RHOBTB1: variants seen among roughly 807,000 people sequenced by gnomAD.
RHOBTB1 encodes Rho related BTB domain containing 1, also known as rho-related BTB domain-containing protein 1.
RHOBTB1 carries 40 observed loss-of-function variants against 71.6 expected under a neutral mutation model. That is an observed-to-expected ratio of 0.56 (90% CI 0.43 to 0.73). The LOEUF is 0.73. RHOBTB1 is among the 30% of genes least tolerant of loss of function. The probability of loss-of-function intolerance (pLI) is 0.00; values close to 1 mark genes in which losing one functional copy is unlikely to be tolerated. For missense variants in RHOBTB1, 797 were observed against 894.0 expected (o/e 0.89, Z 1.38); for synonymous variants, 319 against 334.9 (o/e 0.95, Z 0.52).
At chr10:60,909,713 T>C (rs1457583066) in intron 4 of RHOBTB1, among the ~76,000 whole-genome samples, 2 of 152,042 alleles carry the variant, frequency 1.3e-5, no homozygotes. Flanking sequence ...TCCAGGAAAT[T>C]CAAGGAAAAG....
At chr10:60,966,146 A>T (rs1010332004) in intron 2 of RHOBTB1, among the ~76,000 whole-genome samples, 1 of 152,128 alleles carries the variant, frequency 6.6e-6, no homozygotes, top group Admixed American at 6.6e-5. Context: ...GAAAAGATTG[A>T]GATGTTTGCA....
At position 60,875,009 on chromosome 10, in the gene RHOBTB1, G is replaced by A. The variant is rs778334665; in HGVS notation, c.1760C>T (p.Ala587Val). The A allele has an allele frequency of 5.0e-6, 8 of 1,614,052 alleles. No homozygotes were observed. The highest frequency in any genetic ancestry group is 8.5e-7 in the Non-Finnish European group (1 of 1,179,998). Residue 587 changes from alanine (A) to valine (V), a missense_variant, in exon 9 of 11, where the codon GCC becomes GTC. Coordinates refer to ENST00000337910, the MANE Select transcript of RHOBTB1 (RefSeq NM_014836.5). ...TCCGTCAATGCCCACGCCACTCGTGGCGGCTTTGGTCAACTCCTGAACGGC... is the reference window on the plus strand; with the variant it reads ...TCCGTCAATGCCCACGCCACTCGTGACGGCTTTGGTCAACTCCTGAACGGC... ...QHAVQELTKA[A>V]TSGVGIDGEV...
chr10:60,918,751 CTT>C (rs113890954), intron 2 of RHOBTB1, among the ~76,000 whole-genome samples: 4 of 144,580 alleles, frequency 2.8e-5, no homozygotes, highest in African/African-American at 2.5e-5. Context: ...TTTTCTTTTT[CTT>C]TTTTTTTTTT....
chr10:60,866,217 A>G (rs2080634967), downstream of RHOBTB1, among the ~76,000 whole-genome samples: 1 of 152,132 alleles, frequency 6.6e-6, no homozygotes, highest in Non-Finnish European at 1.5e-5. Context: ...TAGTGGTTCT[A>G]TCACCGGTGG....
rs1466096403 is a variant in RHOBTB1, at chr10:60,870,578, T to G, written c.*904A>C. On this transcript the variant is annotated 3_prime_UTR_variant, in exon 11 of 11. Coordinates refer to ENST00000337910, the MANE Select transcript of RHOBTB1 (RefSeq NM_014836.5). ...GGACCTTTTCCCTTGCCCATCTCAA[T>G]TCAAGTCAGTGAAGAATCTGCATGC... is the stretch of plus-strand genomic sequence containing the variant. 1.3e-5 allele frequency: 2 copies of G among 152,172 alleles called. No homozygotes were observed. Among genetic ancestry groups the G allele is most frequent in the Non-Finnish European group, 2.9e-5 (2 of 68,028 alleles). 9.4% of individuals were successfully genotyped at this position (152,172 alleles called of 1,614,324 possible). A position where few individuals can be genotyped will look rare whatever the true frequency, so the allele number is the denominator to read the frequency against.
chr10:60,996,109 T>C (rs2087038422), intron 1 of RHOBTB1, among the ~76,000 whole-genome samples: 2 of 152,180 alleles, frequency 1.3e-5, no homozygotes, highest in Non-Finnish European at 2.9e-5. Context: ...AGCTCGTAAA[T>C]GGAGGAGCTC....
At chr10:60,926,934 C>A (rs2083916348) in intron 2 of RHOBTB1, among the ~76,000 whole-genome samples, 1 of 152,102 alleles carries the variant, frequency 6.6e-6, no homozygotes, top group African/African-American at 2.4e-5. Flanking sequence ...TGGAAGAAGT[C>A]AAATTATCCT....
chr10:60,872,319 A>G, intron 9 of RHOBTB1, 29 bp from the exon 10 acceptor site: 2 of 1,535,766 alleles, frequency 1.3e-6, no homozygotes, highest in Non-Finnish European at 1.8e-6. Flanking sequence ...AAGGAGGGTA[A>G]GACTATTTTC....
chr10:60,932,058 TAC>T (rs1040420891), intron 2 of RHOBTB1, among the ~76,000 whole-genome samples: 1 of 152,240 alleles, frequency 6.6e-6, no homozygotes, highest in African/African-American at 2.4e-5. Context: ...AATTCAGTTT[TAC>T]ATTCATTAAG....
intron 1 of RHOBTB1, among the ~76,000 whole-genome samples, chr10:60,998,140 G>A (rs905481886): frequency 5.9e-5 from 9 of 152,086 alleles, no homozygotes; most frequent in South Asian, 2.1e-4. Context: ...GTCTGAGGGC[G>A]GCCCTGTCGT....
chr10:60,966,521 A>G (rs934470154), intron 2 of RHOBTB1, among the ~76,000 whole-genome samples: 1 of 151,596 alleles, frequency 6.6e-6, no homozygotes, highest in African/African-American at 2.4e-5. Context: ...AAAAAAAAAA[A>G]GTTGGAAACT....
intron 4 of RHOBTB1, among the ~76,000 whole-genome samples, chr10:60,893,503 T>C (rs996800554): frequency 2.0e-5 from 3 of 152,230 alleles, no homozygotes; most frequent in African/African-American, 7.2e-5. Flanking sequence ...ATTTCTGCCC[T>C]TCTTCCCACT....
At chr10:60,986,431 A>ATATATTATATATATATATATATATATAT (rs1554860002) in intron 1 of RHOBTB1, among the ~76,000 whole-genome samples, 1 of 134,618 alleles carries the variant, frequency 7.4e-6, no homozygotes, top group Non-Finnish European at 1.6e-5. Context: ...ATATATATAT[A>ATATATTATATATATATATATATATATAT]AAATATATAT....
In RHOBTB1 at chr10:60,889,122, G is replaced by A; in HGVS notation, c.546C>T (p.Gly182=). ...EKGREVAKEL[G]LPYYETSVFD... is the part of the protein sequence containing the mutation. ...ACACGCTTGTTTCATAGTATGGTAA[G>A]CCAAGTTCCTTTGCTACCTCTCGGC... Residue 182 remains glycine, a synonymous_variant, in exon 6 of 11, where the codon GGC becomes GGT. Coordinates refer to ENST00000337910, the MANE Select transcript of RHOBTB1 (RefSeq NM_014836.5). 6.2e-7 allele frequency: 1 copy of A among 1,614,064 alleles called. No homozygotes were observed. Among genetic ancestry groups the A allele is most frequent in the Admixed American group, 1.7e-5 (1 of 60,012 alleles).
intron 2 of RHOBTB1, among the ~76,000 whole-genome samples, chr10:60,966,304 GAA>G (rs143857492): frequency 7.2e-6 from 1 of 137,946 alleles, no homozygotes; most frequent in Non-Finnish European, 1.6e-5. Flanking sequence ...GATTATATTC[GAA>G]AAAAAAAAAA....
chr10:60,993,458 T>G (rs539477378), intron 1 of RHOBTB1, among the ~76,000 whole-genome samples: 1 of 152,226 alleles, frequency 6.6e-6, no homozygotes, highest in Non-Finnish European at 1.5e-5. Flanking sequence ...CATGTGTAAG[T>G]ATATATAAAA....
At chr10:60,863,120 CCT>C in the RHOBTB1 span, among the ~76,000 whole-genome samples, 1 of 152,036 alleles carries the variant, frequency 6.6e-6, no homozygotes, top group Non-Finnish European at 1.5e-5. Flanking sequence ...GCCATCCTGG[CCT>C]TTTTTAGAAA....
chr10:60,975,534 G>A (rs561822555), intron 2 of RHOBTB1, among the ~76,000 whole-genome samples: 1 of 152,110 alleles, frequency 6.6e-6, no homozygotes, highest in Non-Finnish European at 1.5e-5. Flanking sequence ...CTACTTATTC[G>A]CTTGCATGGA....
chr10:60,995,475 T>C (rs1334102601), intron 1 of RHOBTB1, among the ~76,000 whole-genome samples: 1 of 152,210 alleles, frequency 6.6e-6, no homozygotes, highest in African/African-American at 2.4e-5. Flanking sequence ...TTGCAAATTA[T>C]CTCTGATAAC....
Sources: gnomAD v4.1 joint callset for allele counts (sites outside exome capture counted in the v4.1 genomes callset) on GRCh38, gnomAD v4.1.1 for gene constraint, MANE v1.5 for transcripts, NCBI Gene and HGNC (gene_info 2026-07-23, HGNC 2026-07-21) for gene names.